Variants in CDH4 observed in about 807,000 individuals in gnomAD.
CDH4 encodes the protein cadherin-4.
In CDH4, 33 loss-of-function variants were observed where a neutral mutation model predicts 86.0. The ratio of observed to expected loss-of-function variants is 0.38; its 90% CI spans 0.29 to 0.51. The LOEUF (loss-of-function observed/expected upper bound fraction) is 0.51. CDH4 is among the 20% of genes least tolerant of loss of function. The pLI is 0.86. For missense variants in CDH4, 1,114 were observed against 1,307.4 expected (o/e 0.85, Z 2.28); for synonymous variants, 555 against 549.4 (o/e 1.01, Z -0.14).
intron 3 of CDH4, among the ~76,000 whole-genome samples, chr20:61,744,830 G>A (rs914805377): frequency 1.2e-4 from 19 of 152,186 alleles, no homozygotes; most frequent in East Asian, 7.7e-4. Context: ...TAGGTTCCCC[G>A]TGCCTGACGG....
At chr20:61,322,338 T>G (rs1158587691) in intron 2 of CDH4, among the ~76,000 whole-genome samples, 1 of 152,118 alleles carries the variant, frequency 6.6e-6, no homozygotes, top group East Asian at 1.9e-4. Flanking sequence ...AGGCTCAGTC[T>G]CTCCCGCAGC....
At chr20:61,913,126 G>A (rs181056685) in intron 9 of CDH4, among the ~76,000 whole-genome samples, 5 of 152,118 alleles carry the variant, frequency 3.3e-5, no homozygotes, top group Admixed American at 6.5e-5. Flanking sequence ...GGAGCACAAC[G>A]GGCAGCCCCC....
At chr20:61,421,183 C>T (rs2085175960) in intron 2 of CDH4, among the ~76,000 whole-genome samples, 1 of 152,178 alleles carries the variant, frequency 6.6e-6, no homozygotes, top group South Asian at 2.1e-4. Context: ...CTCCTGGGGC[C>T]GATGTCTTCC....
At chr20:61,617,780 G>A (rs1600810914) in intron 2 of CDH4, among the ~76,000 whole-genome samples, 1 of 152,330 alleles carries the variant, frequency 6.6e-6, no homozygotes, top group East Asian at 1.9e-4. Context: ...ACTGCAAAGA[G>A]GGAGGAGAGG....
chr20:61,443,752 T>TG (rs2085326045), intron 2 of CDH4, among the ~76,000 whole-genome samples: 1 of 152,138 alleles, frequency 6.6e-6, no homozygotes. Flanking sequence ...GACCGGGTCT[T>TG]GCTTGGCTCT....
chr20:61,436,619 C>G (rs2085284105), intron 2 of CDH4: 1 of 152,424 alleles, frequency 6.6e-6, no homozygotes, highest in African/African-American at 2.4e-5. Flanking sequence ...TCCACCAGCA[C>G]AAAGCTCTGC....
At chr20:61,364,603 T>G (rs2084801446) in intron 2 of CDH4, among the ~76,000 whole-genome samples, 1 of 152,208 alleles carries the variant, frequency 6.6e-6, no homozygotes, top group Non-Finnish European at 1.5e-5. Context: ...TCTCCTTGGC[T>G]CTCAGACTTC....
At chr20:61,481,804 T>TGG (rs1295556664) in intron 2 of CDH4, among the ~76,000 whole-genome samples, 2 of 152,236 alleles carry the variant, frequency 1.3e-5, no homozygotes, top group African/African-American at 2.4e-5. Context: ...AGAGAACATC[T>TGG]TTCCAGGAAC....
chr20:61,318,274 C>A (rs1201199398), intron 2 of CDH4, among the ~76,000 whole-genome samples: 1 of 152,210 alleles, frequency 6.6e-6, no homozygotes, highest in African/African-American at 2.4e-5. Flanking sequence ...AGTTTCCCAA[C>A]AGCCCCGGCT....
At chr20:61,878,304 C>T (rs1307084545) in intron 7 of CDH4, among the ~76,000 whole-genome samples, 1 of 152,152 alleles carries the variant, frequency 6.6e-6, no homozygotes, top group Non-Finnish European at 1.5e-5. Flanking sequence ...TTCAATGCAG[C>T]CCCCGGCTGG....
chr20:61,685,665 C>A (rs2087565863), intron 2 of CDH4, among the ~76,000 whole-genome samples: 1 of 152,242 alleles, frequency 6.6e-6, no homozygotes, highest in African/African-American at 2.4e-5. Flanking sequence ...GTCACCCACA[C>A]CCCTTTGCAC....
intron 4 of CDH4, among the ~76,000 whole-genome samples, chr20:61,842,815 G>C (rs1267402425): frequency 6.6e-6 from 1 of 152,102 alleles, no homozygotes; most frequent in Non-Finnish European, 1.5e-5. Context: ...TTGTGGGATT[G>C]AGCGTTTGGT....
At chr20:61,292,202 T>C (rs2123185372) in intron 2 of CDH4, among the ~76,000 whole-genome samples, 1 of 152,304 alleles carries the variant, frequency 6.6e-6, no homozygotes, top group East Asian at 1.9e-4. Flanking sequence ...ATGGCAGCAC[T>C]GTTCACAAGA....
At position 61,703,607 on chromosome 20, in the gene CDH4, GC is replaced by G. The variant is rs1194026300; in HGVS notation, c.170-39954del. Among the ~76,000 whole-genome samples, 7 of 152,296 alleles carry G rather than the reference GC, an allele frequency of 4.6e-5. No homozygotes were observed. The South Asian group carries it at 6.2e-4, about 14-fold the overall frequency. ...CTTCCCCGTCGCACCTCTTCCCCGT[GC>G]CTGGATGAATCTGCAAAGAGAGCGG... On this transcript the variant is annotated intron_variant, in intron 2 of 15. Transcript: ENST00000614565. This position sits in a 1 kb window ranked among gnomAD's most constrained non-coding sequence, Gnocchi z 4.3.
intron 2 of CDH4, among the ~76,000 whole-genome samples, chr20:61,431,359 G>T (rs1331632257): frequency 8.8e-4 from 114 of 129,956 alleles, no homozygotes; most frequent in East Asian, 1.5e-3. Flanking sequence ...TTTTTTGTTG[G>T]TTTTTTTTTT....
At chr20:61,838,835 A>G (rs558130883) in intron 4 of CDH4, among the ~76,000 whole-genome samples, 3,845 of 133,094 alleles carry the variant, frequency 0.029, 137 homozygotes, top group East Asian at 0.11. Flanking sequence ...AAAAAAAAAA[A>G]AAAGAAAGAA....
chr20:61,548,495 G>A (rs1312297214), intron 2 of CDH4, among the ~76,000 whole-genome samples: 5 of 151,878 alleles, frequency 3.3e-5, no homozygotes, highest in East Asian at 1.9e-4. Flanking sequence ...TACAGCCCTC[G>A]AATATTTTAA....
rs970373476 is a variant in CDH4, at chr20:61,938,238, G to GCTAT, written c.*1298_*1301dup. 4 of 152,392 alleles carry GCTAT rather than the reference G, an allele frequency of 2.6e-5. No individual in the cohort carries two copies. Among genetic ancestry groups the GCTAT allele is most frequent in the Admixed American group, 1.3e-4 (2 of 15,288 alleles). 9.4% of individuals were successfully genotyped at this position (152,392 alleles called of 1,614,324 possible). A position where few individuals can be genotyped will look rare whatever the true frequency, so the allele number is the denominator to read the frequency against. ...TGCTGCTGTCCTCGAGGCTGGCACT[G>GCTAT]CTATCTCCAGGGCTGGGTTGACTCA... On this transcript the variant is annotated 3_prime_UTR_variant, in exon 16 of 16. Transcript: ENST00000614565.
chr20:61,622,827 T>C (rs754650143), intron 2 of CDH4, among the ~76,000 whole-genome samples: 7 of 152,120 alleles, frequency 4.6e-5, no homozygotes, highest in Non-Finnish European at 1.0e-4. Flanking sequence ...CGTTGCCCCA[T>C]CCCCTGGGGA....
Sources: allele counts gnomAD v4.1 joint callset (sites outside exome capture counted in the v4.1 genomes callset), GRCh38; gene constraint gnomAD v4.1.1; non-coding constraint Gnocchi (gnomAD v3.1); transcripts MANE v1.5; gene names NCBI Gene and HGNC (gene_info 2026-07-23, HGNC 2026-07-21).